PRR16: variants seen among roughly 807,000 people sequenced by gnomAD.
PRR16 encodes proline rich 16, also known as protein Largen.
A neutral mutation model predicts 18.2 loss-of-function variants in PRR16; 6 were observed. The observed-to-expected ratio is 0.33, with a 90% confidence interval of 0.18 to 0.65. The LOEUF is 0.65. Ranked by LOEUF, PRR16 falls within the 30% of genes least tolerant of loss-of-function variation. PRR16 has a pLI of 0.74. For synonymous variants in PRR16, 151 were observed against 147.8 expected, an observed-to-expected ratio of 1.02 and a Z score of -0.16; for missense variants, 412 against 376.6, an observed-to-expected ratio of 1.09 and a Z score of -0.78.
At chr5:120,772,354 GTAATCTT>G in the PRR16 span, among the ~76,000 whole-genome samples, 1 of 151,914 alleles carries the variant, frequency 6.6e-6, no homozygotes, top group Non-Finnish European at 1.5e-5. Context: ...AATCTCATCT[GTAATCTT>G]TAATCTCTTT....
chr5:120,502,601 C>G (rs1750501078), intron 1 of PRR16, among the ~76,000 whole-genome samples: 1 of 152,110 alleles, frequency 6.6e-6, no homozygotes, highest in Non-Finnish European at 1.5e-5. Context: ...GCAAGGCCAT[C>G]TACTGTGGGA....
chr5:120,707,699 T>C, the PRR16 span, among the ~76,000 whole-genome samples: 8,909 of 152,296 alleles, frequency 0.058, 331 homozygotes, highest in South Asian at 0.088. Flanking sequence ...AATTTGGGTC[T>C]GCACTACTCA....
chr5:120,715,708 C>T, the PRR16 span, among the ~76,000 whole-genome samples: 2 of 152,084 alleles, frequency 1.3e-5, no homozygotes, highest in Non-Finnish European at 2.9e-5. Flanking sequence ...ATAAATTAAA[C>T]TGGTATTTTT....
At position 120,464,648 on chromosome 5, in the gene PRR16, G is replaced by A. The variant is rs762062277; in HGVS notation, c.159+3G>A. ...ACGTGGCCAAGGAACTTAAGGAGGTGAGAGGCGCAGGGGTGGGGAGGGAGT... is the reference window on the plus strand; with the variant it reads ...ACGTGGCCAAGGAACTTAAGGAGGTAAGAGGCGCAGGGGTGGGGAGGGAGT... On this transcript the variant is annotated splice_donor_region_variant and intron_variant, in intron 1 of 1. Transcript: ENST00000407149. 1 of 1,555,308 alleles carries A rather than the reference G, an allele frequency of 6.4e-7. No homozygotes were observed. Among genetic ancestry groups the A allele is most frequent in the South Asian group, 1.2e-5 (1 of 85,230 alleles).
the PRR16 span, among the ~76,000 whole-genome samples, chr5:120,730,033 T>G: frequency 6.6e-6 from 1 of 152,084 alleles, no homozygotes; most frequent in Non-Finnish European, 1.5e-5. Flanking sequence ...TCTCCCCTAA[T>G]CCCAGTATGA....
At chr5:120,700,345 T>TG in the PRR16 span, among the ~76,000 whole-genome samples, 1 of 151,456 alleles carries the variant, frequency 6.6e-6, no homozygotes, top group Non-Finnish European at 1.5e-5. Flanking sequence ...TGGCCTTGAG[T>TG]GGGGTAAGGG....
chr5:120,689,208 A>C (rs1757181453), downstream of PRR16, among the ~76,000 whole-genome samples: 1 of 152,166 alleles, frequency 6.6e-6, no homozygotes, highest in Admixed American at 6.6e-5. Flanking sequence ...ATTTTTTATT[A>C]ATGCATGGAA....
At chr5:120,774,099 T>C in the PRR16 span, among the ~76,000 whole-genome samples, 2 of 152,164 alleles carry the variant, frequency 1.3e-5, no homozygotes, top group African/African-American at 4.8e-5. Context: ...AAAATATCAG[T>C]TTCTCAGTTT....
At chr5:120,779,925 C>T in the PRR16 span, among the ~76,000 whole-genome samples, 10 of 152,056 alleles carry the variant, frequency 6.6e-5, no homozygotes, top group Non-Finnish European at 1.5e-4. Context: ...GTTCAGCATT[C>T]CTGTGGAGTG....
the PRR16 span, among the ~76,000 whole-genome samples, chr5:120,774,620 A>T: frequency 6.6e-6 from 1 of 152,084 alleles, no homozygotes; most frequent in Non-Finnish European, 1.5e-5. Flanking sequence ...GAGTTGTAAA[A>T]CCCTGATCTT....
the PRR16 span, among the ~76,000 whole-genome samples, chr5:120,766,867 A>G: frequency 1.3e-5 from 2 of 151,964 alleles, no homozygotes; most frequent in South Asian, 2.1e-4. Flanking sequence ...TTAATTGTCA[A>G]TTCTGGCAGG....
the PRR16 span, among the ~76,000 whole-genome samples, chr5:120,737,320 T>A: frequency 6.0e-5 from 7 of 117,098 alleles, no homozygotes; most frequent in Non-Finnish European, 1.2e-4. Flanking sequence ...TTTTTTTTTT[T>A]TTTTTTTTTT....
chr5:120,765,533 G>T, the PRR16 span, among the ~76,000 whole-genome samples: 1 of 151,866 alleles, frequency 6.6e-6, no homozygotes, highest in African/African-American at 2.4e-5. Context: ...AAAATATTTG[G>T]CTGTAAAAAG....
the PRR16 span, among the ~76,000 whole-genome samples, chr5:120,734,021 C>A: frequency 6.6e-6 from 1 of 152,170 alleles, no homozygotes; most frequent in African/African-American, 2.4e-5. Flanking sequence ...TTCATTAATA[C>A]AACTGTGTGA....
At chr5:120,769,312 A>G in the PRR16 span, among the ~76,000 whole-genome samples, 1 of 151,798 alleles carries the variant, frequency 6.6e-6, no homozygotes, top group Non-Finnish European at 1.5e-5. Flanking sequence ...GACGTATACA[A>G]CACATGCCAA....
In PRR16 at chr5:120,587,774, A is replaced by G. The variant is rs371752709; in HGVS notation, c.160-98180A>G. 2.6e-5 allele frequency among the ~76,000 whole-genome samples: 4 copies of G among 152,370 alleles called. No individual in the cohort carries two copies. The East Asian group carries it at 7.7e-4, about 29-fold the overall frequency. ...CCTGTTATCACAACAGCCATTCTGC[A>G]GCTCATAGATCAAGGAGTAATTTTG... is the stretch of plus-strand genomic sequence containing the variant. On this transcript the variant is annotated intron_variant, in intron 1 of 1. Coordinates refer to ENST00000407149, the MANE Select transcript of PRR16 (RefSeq NM_001300783.2).
At chr5:120,683,857 C>G (rs1409248450) in intron 1 of PRR16, among the ~76,000 whole-genome samples, 1 of 149,068 alleles carries the variant, frequency 6.7e-6, no homozygotes, top group African/African-American at 2.5e-5. Context: ...ATCTTTATCA[C>G]AGGAGAAATG....
intron 1 of PRR16, among the ~76,000 whole-genome samples, chr5:120,651,476 T>A (rs1468527827): frequency 6.6e-6 from 1 of 152,208 alleles, no homozygotes; most frequent in Admixed American, 6.5e-5. Context: ...AACATTTAAG[T>A]CTTTAATCCA....
the PRR16 span, among the ~76,000 whole-genome samples, chr5:120,713,072 T>C: frequency 1.4e-3 from 219 of 152,228 alleles, 1 homozygote; most frequent in African/African-American, 5.0e-3. Context: ...CCTGGGCTCA[T>C]GGACAGATGA....
Sources: gnomAD v4.1 joint callset for allele counts (sites outside exome capture counted in the v4.1 genomes callset) on GRCh38, gnomAD v4.1.1 for gene constraint, MANE v1.5 for transcripts, NCBI Gene and HGNC (gene_info 2026-07-23, HGNC 2026-07-21) for gene names.